Variants in LHFPL6 observed in about 807,000 individuals in gnomAD.
LHFPL6 encodes the protein LHFPL tetraspan subfamily member 6, also known as LHFPL tetraspan subfamily member 6 protein.
In LHFPL6, 9 loss-of-function variants were observed where a neutral mutation model predicts 20.6. The observed-to-expected ratio is 0.44, with a 90% CI of 0.26 to 0.76. The LOEUF is 0.76. Among genes scored for constraint, LHFPL6 ranks in the 30% least tolerant of loss-of-function variants. LHFPL6 has a pLI of 0.20. For synonymous variants in LHFPL6, 105 were observed against 98.7 expected, an observed-to-expected ratio of 1.06 and a Z score of -0.38; for missense variants, 218 against 253.5, an observed-to-expected ratio of 0.86 and a Z score of 0.95.
chr13:39,387,564 AAAAAAAAG>A (rs1870596904), intron 2 of LHFPL6, among the ~76,000 whole-genome samples: 1 of 151,734 alleles, frequency 6.6e-6, no homozygotes, highest in Non-Finnish European at 1.5e-5. Context: ...AAAAAAAAAA[AAAAAAAAG>A]AATATATCAT....
In LHFPL6 at chr13:39,387,103, C is replaced by T. The variant is rs527899254; in HGVS notation, c.386-8577G>A. ...TGTAAGTATTACATGTCCTGGAAGG[C>T]CAGACACTCTATGTTTACTTGCATC... On this transcript the variant is annotated intron_variant, in intron 2 of 3. Transcript: ENST00000379589. 2.8e-4 allele frequency among the ~76,000 whole-genome samples: 42 copies of T among 152,238 alleles called. 1 individual carries two copies. Among genetic ancestry groups the T allele is most frequent in the Admixed American group, 9.2e-4 (14 of 15,282 alleles).
chr13:39,428,205 C>T (rs73458874), intron 2 of LHFPL6, among the ~76,000 whole-genome samples: 3,955 of 152,216 alleles, frequency 0.026, 153 homozygotes, highest in African/African-American at 0.087. Context: ...CTTTGTCTGG[C>T]CTTATACATA....
At chr13:39,344,423 A>G (rs115046702) in intron 3 of LHFPL6, among the ~76,000 whole-genome samples, 95 of 152,362 alleles carry the variant, frequency 6.2e-4, no homozygotes, top group African/African-American at 2.3e-3. Context: ...TAGGGAAAAA[A>G]ATATAAATGT....
chr13:39,386,087 C>A (rs368847407), intron 2 of LHFPL6, among the ~76,000 whole-genome samples: 3 of 151,960 alleles, frequency 2.0e-5, no homozygotes, highest in Non-Finnish European at 2.9e-5. Context: ...TGGTAAGCAC[C>A]GAGGGAAATT....
intron 3 of LHFPL6, among the ~76,000 whole-genome samples, chr13:39,353,413 T>C (rs1001351611): frequency 3.3e-5 from 5 of 151,890 alleles, no homozygotes; most frequent in African/African-American, 1.2e-4. Context: ...AGAATGTTTG[T>C]GGGGTGTGGT....
In LHFPL6 at chr13:39,600,923, C is replaced by G. The variant is rs1566151941; in HGVS notation, c.294G>C (p.Leu98=). 6.3e-7 allele frequency: 1 copy of G among 1,597,072 alleles called. No individual in the cohort carries two copies. Among genetic ancestry groups the G allele is most frequent in the Non-Finnish European group, 8.6e-7 (1 of 1,169,422 alleles). Residue 98 remains leucine (L), a synonymous_variant, in exon 2 of 4, where the codon CTG becomes CTC. Transcript: ENST00000379589. The stretch of plus-strand genomic sequence containing the variant: ...AACCCATGAGGGCAGTGAGCGCCAC[C>G]AGGAGGAGGAGGCCACAACCCAGGC... The part of the protein sequence containing the change: ...VTGLGCGLLL[L]VALTALMGCC...
Position 39,400,782 on chromosome 13 carries a change from C to CAAAAAAAAAA in LHFPL6, c.386-22266_386-22257dup, listed in dbSNP as rs34833321. ...TGGGCGACAGAGCGAGACTCCGTCTCAAAAAAAAAAAAAAAAAAAAAAAAA... is the reference window on the plus strand; with the variant it reads ...TGGGCGACAGAGCGAGACTCCGTCTCAAAAAAAAAAAAAAAAAAAAAAAAAAAAAAAAAAA... On this transcript the variant is annotated intron_variant, in intron 2 of 3. Coordinates refer to ENST00000379589, the MANE Select transcript of LHFPL6 (RefSeq NM_005780.3). Among the ~76,000 whole-genome samples, 14 of 53,486 alleles carry CAAAAAAAAAA rather than the reference C, an allele frequency of 2.6e-4. 1 individual carries two copies. The East Asian group carries it at 3.2e-3, about 12-fold the overall frequency. The allele number at this position is 53,486 out of a possible 152,430, so 35.1% of individuals were successfully genotyped here.
chr13:39,374,401 C>A (rs908900165), intron 3 of LHFPL6, among the ~76,000 whole-genome samples: 2 of 152,002 alleles, frequency 1.3e-5, no homozygotes, highest in Admixed American at 6.6e-5. Flanking sequence ...ACGGAGGGGG[C>A]AAGGGTTGAA....
intron 2 of LHFPL6, among the ~76,000 whole-genome samples, chr13:39,421,761 G>GA (rs5802987): frequency 0.95 from 144,152 of 152,182 alleles, 68,768 homozygotes; most frequent in East Asian, 1. Flanking sequence ...GGAGAGGATG[G>GA]AAAAGGCTGA....
chr13:39,514,511 C>A (rs945351994), intron 2 of LHFPL6, among the ~76,000 whole-genome samples: 3 of 152,190 alleles, frequency 2.0e-5, no homozygotes, highest in African/African-American at 7.2e-5. Flanking sequence ...CATTCTGATC[C>A]AGTCACGAAT....
intron 2 of LHFPL6, among the ~76,000 whole-genome samples, chr13:39,438,386 G>A (rs1872022361): frequency 6.6e-6 from 1 of 152,200 alleles, no homozygotes; most frequent in African/African-American, 2.4e-5. Context: ...AACTGAAACT[G>A]GAACTTATAT....
chr13:39,541,527 C>A (rs756913000), intron 2 of LHFPL6, among the ~76,000 whole-genome samples: 1 of 152,134 alleles, frequency 6.6e-6, no homozygotes, highest in African/African-American at 2.4e-5. Context: ...TCTAACTCTG[C>A]TTCTGTAAAT....
intron 3 of LHFPL6, among the ~76,000 whole-genome samples, chr13:39,352,186 G>T (rs113408378): frequency 5.9e-5 from 9 of 152,178 alleles, no homozygotes; most frequent in African/African-American, 1.9e-4. Flanking sequence ...CTTGCTTGAG[G>T]AACAGATAAC....
At chr13:39,353,514 C>T (rs1295594101) in intron 3 of LHFPL6, among the ~76,000 whole-genome samples, 1 of 151,678 alleles carries the variant, frequency 6.6e-6, no homozygotes, top group African/African-American at 2.4e-5. Context: ...ATCACGAGGT[C>T]AGGAGATCGA....
chr13:39,376,975 A>T (rs535865511), intron 3 of LHFPL6, among the ~76,000 whole-genome samples: 17 of 152,284 alleles, frequency 1.1e-4, no homozygotes, highest in Non-Finnish European at 2.2e-4. Context: ...AAAGCAGATC[A>T]TAAAACCTAG....
chr13:39,506,264 C>T (rs987311414), intron 2 of LHFPL6, among the ~76,000 whole-genome samples: 1 of 152,156 alleles, frequency 6.6e-6, no homozygotes, highest in Admixed American at 6.5e-5. Context: ...CAAGAAGAGG[C>T]TACCATAAAA....
At chr13:39,383,179 C>G (rs575974322) in intron 2 of LHFPL6, among the ~76,000 whole-genome samples, 114 of 152,268 alleles carry the variant, frequency 7.5e-4, no homozygotes, top group African/African-American at 2.5e-3. Context: ...GACCTGCCCC[C>G]CTGCCCAACA....
At chr13:39,353,684 T>A (rs902583619) in intron 3 of LHFPL6, among the ~76,000 whole-genome samples, 5 of 152,104 alleles carry the variant, frequency 3.3e-5, no homozygotes, top group Non-Finnish European at 7.4e-5. Context: ...GCCGAGATTG[T>A]GCCACTGAAC....
Position 39,381,252 on chromosome 13 carries a change from A to G in LHFPL6, c.386-2726T>C, listed in dbSNP as rs190251631. ...AAAAACTATGTGCCATGAAGTCATG[A>G]AAACACCTAGTCTGGCCCAGTCTTA... On this transcript the variant is annotated intron_variant, in intron 2 of 3. Transcript: ENST00000379589. 8.2e-4 allele frequency among the ~76,000 whole-genome samples: 125 copies of G among 152,318 alleles called. 3 individuals carry two copies. The East Asian group carries it at 0.024, about 29-fold the overall frequency.
Sources: allele counts gnomAD v4.1 joint callset (sites outside exome capture counted in the v4.1 genomes callset), GRCh38; gene constraint gnomAD v4.1.1; transcripts MANE v1.5; gene names NCBI Gene and HGNC (gene_info 2026-07-23, HGNC 2026-07-21).